Variants in RAB3GAP2 observed in about 807,000 individuals in gnomAD.
The protein encoded by RAB3GAP2 is rab3 GTPase-activating protein non-catalytic subunit.
RAB3GAP2 carries 87 observed loss-of-function variants against 185.3 expected under a neutral mutation model. The observed-to-expected ratio is 0.47, with a 90% CI of 0.39 to 0.56. The LOEUF (loss-of-function observed/expected upper bound fraction) is 0.56. Among genes scored for constraint, RAB3GAP2 ranks in the 20% least tolerant of loss-of-function variants. RAB3GAP2 has a pLI of 0.00. For synonymous variants in RAB3GAP2, 554 were observed against 576.1 expected, an observed-to-expected ratio of 0.96 and a Z score of 0.55; for missense variants, 1,492 against 1,638.2, an observed-to-expected ratio of 0.91 and a Z score of 1.54.
At chr1:220,230,466 T>A (rs936153501) in intron 2 of RAB3GAP2, among the ~76,000 whole-genome samples, 4 of 152,344 alleles carry the variant, frequency 2.6e-5, no homozygotes, top group African/African-American at 9.6e-5. Flanking sequence ...CCAAATTCCC[T>A]GAGCTGCATT....
chr1:220,186,167 G>T (rs1206778719), intron 17 of RAB3GAP2, among the ~76,000 whole-genome samples: 2 of 152,082 alleles, frequency 1.3e-5, no homozygotes, highest in African/African-American at 4.8e-5. Context: ...ATTTGTGCAT[G>T]GCAGGCAGAA....
At chr1:220,270,455 A>C (rs1660315115) in intron 1 of RAB3GAP2, among the ~76,000 whole-genome samples, 1 of 152,220 alleles carries the variant, frequency 6.6e-6, no homozygotes, top group Non-Finnish European at 1.5e-5. Context: ...TGGACATACC[A>C]TAAACATTTA....
chr1:220,193,898 T>G (rs1317226688), intron 12 of RAB3GAP2, among the ~76,000 whole-genome samples: 1 of 152,140 alleles, frequency 6.6e-6, no homozygotes, highest in Non-Finnish European at 1.5e-5. Context: ...AGTAAAGAAG[T>G]ACTAAAAGAG....
intron 31 of RAB3GAP2, chr1:220,154,260 G>T: frequency 1.5e-6 from 1 of 669,036 alleles, no homozygotes; most frequent in South Asian, 2.1e-5. Context: ...CCCTCCTCCT[G>T]GTATTCGTGT....
At position 220,149,153 on chromosome 1, in the gene RAB3GAP2, T is replaced by TATTTA. The variant is rs1282219072; in HGVS notation, c.*2093_*2097dup. 2.0e-5 allele frequency: 3 copies of TATTTA among 152,212 alleles called. No homozygotes were observed. Among genetic ancestry groups the TATTTA allele is most frequent in the Non-Finnish European group, 2.9e-5 (2 of 68,030 alleles). 9.4% of individuals were successfully genotyped at this position (152,212 alleles called of 1,614,324 possible). ...TGCCTTTCTTCCTATCAATCAGATT[T>TATTTA]ATTTATTTTAAAAGCCCTTGATAAG... On this transcript the variant is annotated 3_prime_UTR_variant, in exon 35 of 35. Coordinates refer to ENST00000358951, the MANE Select transcript of RAB3GAP2 (RefSeq NM_012414.4).
intron 2 of RAB3GAP2, among the ~76,000 whole-genome samples, chr1:220,231,884 G>A (rs981110547): frequency 4.6e-5 from 7 of 152,208 alleles, no homozygotes; most frequent in Non-Finnish European, 1.5e-5. Flanking sequence ...CATATACAAA[G>A]TAGACAGAAT....
Position 220,158,616 on chromosome 1 carries a change from T to C in RAB3GAP2, c.3262-740A>G, listed in dbSNP as rs1385628526. Among the ~76,000 whole-genome samples, 2 of 152,086 alleles carry C rather than the reference T, an allele frequency of 1.3e-5. No homozygotes were observed. The highest frequency in any genetic ancestry group is 2.9e-5 in the Non-Finnish European group (2 of 68,024). ...CCACCATGCCTGGCTAGTTTTTCTA[T>C]TTTTAGTAGAGATGGGGTTTCACCT... is the stretch of plus-strand genomic sequence containing the variant. On this transcript the variant is annotated intron_variant, in intron 29 of 34. Coordinates refer to ENST00000358951, the MANE Select transcript of RAB3GAP2 (RefSeq NM_012414.4). The surrounding 1 kb of genome is among the most constrained non-coding windows in gnomAD (Gnocchi z 4.3).
chr1:220,193,162 G>T, intron 13 of RAB3GAP2, 78 bp downstream of exon 13: 1 of 1,540,324 alleles, frequency 6.5e-7, no homozygotes, highest in Non-Finnish European at 9.0e-7. Context: ...TCATCCAGAA[G>T]CTGAAGGATG....
At chr1:220,179,562 G>A (rs1658362130) in intron 21 of RAB3GAP2, among the ~76,000 whole-genome samples, 1 of 152,148 alleles carries the variant, frequency 6.6e-6, no homozygotes, top group South Asian at 2.1e-4. Context: ...TGCTGCTGCA[G>A]AATACACATT....
At position 220,255,147 on chromosome 1, in the gene RAB3GAP2, T is replaced by G. The variant is rs534441702; in HGVS notation, c.115+17076A>C. Among the ~76,000 whole-genome samples, 21 of 151,778 alleles carry G rather than the reference T, an allele frequency of 1.4e-4. 1 individual carries two copies. In the South Asian group the frequency reaches 4.4e-3, roughly 32 times the overall value. On this transcript the variant is annotated intron_variant, in intron 1 of 34. Coordinates refer to ENST00000358951, the MANE Select transcript of RAB3GAP2 (RefSeq NM_012414.4). ...CTGTGTAGCTAGTTTTCTGGAAAAG[T>G]CAATCTTTTAGGAATTGTTTTTCAG...
chr1:220,243,908 A>G (rs1287443964), intron 1 of RAB3GAP2, among the ~76,000 whole-genome samples: 3 of 152,214 alleles, frequency 2.0e-5, no homozygotes, highest in Non-Finnish European at 4.4e-5. Flanking sequence ...ACAGGCACAG[A>G]AGGGACTACC....
intron 3 of RAB3GAP2, 56 bp from the exon 4 acceptor site, chr1:220,213,024 T>A: frequency 7.6e-7 from 1 of 1,323,386 alleles, no homozygotes; most frequent in Non-Finnish European, 1.0e-6. Flanking sequence ...ACTAAAAGAG[T>A]AATTTATAAA....
At chr1:220,238,765 T>A (rs1467393326) in intron 1 of RAB3GAP2, among the ~76,000 whole-genome samples, 2 of 152,218 alleles carry the variant, frequency 1.3e-5, no homozygotes, top group Non-Finnish European at 2.9e-5. Flanking sequence ...CCACCAATGA[T>A]CTTTCCCTCT....
chr1:220,208,847 G>T (rs1184014210), intron 7 of RAB3GAP2, among the ~76,000 whole-genome samples: 1 of 152,062 alleles, frequency 6.6e-6, no homozygotes, highest in Non-Finnish European at 1.5e-5. Context: ...CTTCCAAGTT[G>T]CTGGGACTAC....
rs945996429 is a variant in RAB3GAP2 at position 220,266,888 on chromosome 1, C to G, written c.115+5335G>C. 1.3e-5 allele frequency: 21 copies of G among 1,593,150 alleles called. No individual in the cohort carries two copies. In the African/African-American group the frequency reaches 2.8e-4, roughly 21 times the overall value. ...AAAGTCAGGGAATGTGAATTCTCAA[C>G]CCGTGATATTCTTTTGTAGGTCTCT... On this transcript the variant is annotated intron_variant, in intron 1 of 34. Coordinates refer to ENST00000358951, the MANE Select transcript of RAB3GAP2 (RefSeq NM_012414.4).
intron 16 of RAB3GAP2, 97 bp from the exon 17 acceptor site, chr1:220,189,864 C>A: frequency 8.4e-7 from 1 of 1,187,276 alleles, no homozygotes; most frequent in Non-Finnish European, 1.2e-6. Context: ...ATCAGTGAGT[C>A]TAAAGGATTT....
intron 8 of RAB3GAP2, 68 bp downstream of exon 8, chr1:220,205,839 C>T: frequency 8.6e-7 from 1 of 1,158,456 alleles, no homozygotes; most frequent in South Asian, 1.3e-5. Flanking sequence ...ATACTTAATT[C>T]CATAAGCAGG....
At position 220,182,725 on chromosome 1, in the gene RAB3GAP2, C is replaced by T. The variant is rs1445947016; in HGVS notation, c.2205G>A (p.Val735=). The T allele has an allele frequency of 2.4e-5, 39 of 1,593,380 alleles. No individual in the cohort carries two copies. In the East Asian group the frequency reaches 8.7e-4, roughly 36 times the overall value. The change falls in exon 20 of 35, where the codon GTG becomes GTA. Residue 735 remains valine (V), a synonymous_variant. Transcript: ENST00000358951. ...NIKKISEEEY[V]ALGSFFFWKC... is the part of the protein sequence containing the mutation. ...GTGTATTATTTTACCTACCTAAAGC[C>T]ACATATTCCTCTTCACTTATTTTCT...
chr1:220,270,654 C>G (rs563276357), intron 1 of RAB3GAP2, among the ~76,000 whole-genome samples: 2 of 152,310 alleles, frequency 1.3e-5, no homozygotes, highest in African/African-American at 4.8e-5. Context: ...CTTCATCCTA[C>G]TAAGGTTCTT....
Sources: gnomAD v4.1 joint callset for allele counts (sites outside exome capture counted in the v4.1 genomes callset) on GRCh38, gnomAD v4.1.1 for gene constraint, Gnocchi (gnomAD v3.1) non-coding constraint, MANE v1.5 for transcripts, NCBI Gene and HGNC (gene_info 2026-07-23, HGNC 2026-07-21) for gene names.